MAP4K1: variants seen among roughly 807,000 people sequenced by gnomAD.
MAP4K1 encodes MAPK/ERK kinase kinase kinase 1.
In MAP4K1, 35 loss-of-function variants were observed where a neutral mutation model predicts 122.8. The observed-to-expected ratio is 0.29, with a 90% confidence interval of 0.22 to 0.38. MAP4K1 has a LOEUF of 0.38. Among genes scored for constraint, MAP4K1 ranks in the 10% least tolerant of loss-of-function variants. The probability of loss-of-function intolerance (pLI) is 1.00; values close to 1 mark genes in which losing one functional copy is unlikely to be tolerated. For missense variants in MAP4K1, 791 were observed against 1,072.6 expected, an observed-to-expected ratio of 0.74 and a Z score of 3.67; for synonymous variants, 412 against 421.3, an observed-to-expected ratio of 0.98 and a Z score of 0.27.
In MAP4K1 at chr19:38,597,314, GCTCT is replaced by G. The variant is rs372573619; in HGVS notation, c.1837+8_1837+11del. 7 of 1,613,904 alleles carry G rather than the reference GCTCT, an allele frequency of 4.3e-6. No individual in the cohort carries two copies. Among genetic ancestry groups the G allele is most frequent in the East Asian group, 2.2e-5 (1 of 44,882 alleles). On this transcript the variant is annotated splice_region_variant and intron_variant, in intron 24 of 30. Coordinates refer to ENST00000396857, the MANE Select transcript of MAP4K1 (RefSeq NM_001042600.3). The surrounding 1 kb of genome is among the most constrained non-coding windows in gnomAD (Gnocchi z 4.6). Reference sequence around the variant, plus strand: ...CGCCCACTCTCTGCACACCCGTGAAGCTCTCTCTCACCCACACAGCACGCCCGGC... The same window carrying G: ...CGCCCACTCTCTGCACACCCGTGAAGCTCTCACCCACACAGCACGCCCGGC...
intron 17 of MAP4K1, 114 bp from the exon 18 acceptor site, chr19:38,605,844 AC>A (rs1468622925): frequency 3.8e-5 from 36 of 943,496 alleles, no homozygotes; most frequent in South Asian, 5.1e-5. Flanking sequence ...GCTCTGACCC[AC>A]CCCCCCGACA....
chr19:38,598,938 G>A (rs956534505), intron 22 of MAP4K1, among the ~76,000 whole-genome samples: 2 of 149,992 alleles, frequency 1.3e-5, no homozygotes, highest in African/African-American at 4.9e-5. Context: ...GCTTGAACCT[G>A]GGAAACGGAG....
At chr19:38,593,043 T>G (rs1464958071) in intron 30 of MAP4K1, among the ~76,000 whole-genome samples, 1 of 152,106 alleles carries the variant, frequency 6.6e-6, no homozygotes, top group African/African-American at 2.4e-5. Flanking sequence ...AAGGCTGCAG[T>G]GAGCCGTGGT....
At chr19:38,601,583 A>T in intron 19 of MAP4K1, 58 bp from the exon 20 acceptor site, 1 of 1,339,786 alleles carries the variant, frequency 7.5e-7, no homozygotes, top group Non-Finnish European at 1.0e-6. Context: ...AGGGAACAGG[A>T]AGGGGCAGTG....
Position 38,608,052 on chromosome 19 carries a change from G to C in MAP4K1, c.1066-19C>G. 1.9e-6 allele frequency: 3 copies of C among 1,586,280 alleles called. No individual in the cohort carries two copies. The highest frequency in any genetic ancestry group is 2.6e-6 in the Non-Finnish European group (3 of 1,164,586). On this transcript the variant is annotated intron_variant, in intron 14 of 30. Coordinates refer to ENST00000396857, the MANE Select transcript of MAP4K1 (RefSeq NM_001042600.3). Reference sequence around the variant, plus strand: ...GGCGAGCCTGTGGGGTAGGAAAAGGGTCAGCAGTGGCCTCAGGGAAGCAGG... The same window carrying C: ...GGCGAGCCTGTGGGGTAGGAAAAGGCTCAGCAGTGGCCTCAGGGAAGCAGG...
intron 30 of MAP4K1, among the ~76,000 whole-genome samples, chr19:38,590,998 CACAT>C (rs977805145): frequency 1.3e-5 from 2 of 148,926 alleles, no homozygotes; most frequent in African/African-American, 5.0e-5. Flanking sequence ...CACACACACA[CACAT>C]ATACTTGTAT....
chr19:38,593,199 A>AG, intron 30 of MAP4K1, 83 bp downstream of exon 30: 1 of 1,340,366 alleles, frequency 7.5e-7, no homozygotes, highest in East Asian at 2.5e-5. Flanking sequence ...GGCTAGAGAT[A>AG]CCTTGCTGGG....
chr19:38,596,603 C>T (rs1167539153), intron 25 of MAP4K1, 117 bp from the exon 26 acceptor site: 2 of 891,506 alleles, frequency 2.2e-6, no homozygotes, highest in East Asian at 5.4e-5. Flanking sequence ...TGGGGGATGC[C>T]GTCTAGAAAT....
At chr19:38,613,640 T>C (rs954725299) in intron 8 of MAP4K1, among the ~76,000 whole-genome samples, 7 of 146,738 alleles carry the variant, frequency 4.8e-5, no homozygotes, top group African/African-American at 1.8e-4. Flanking sequence ...GAAATGGATA[T>C]GGAGGGACAG....
In MAP4K1 at chr19:38,596,393, G is replaced by A. The variant is rs1974885093; in HGVS notation, c.2035C>T (p.Pro679Ser). 6.3e-7 allele frequency: 1 copy of A among 1,596,598 alleles called. No individual in the cohort carries two copies. ...ELPAVCIGVS[P>S]GRPGKSVLFH... ...AGCACCGACTTCCCCGGCCGCCCGG[G>A]GCTCACGCCGATGCACACAGCGGGC... Residue 679 changes from proline to serine, a missense_variant, in exon 26 of 31, where the codon CCC becomes TCC. Around this residue, in one of 4 missense-constraint regions of MAP4K1, gnomAD observed 267 missense variants for 323.0 expected, o/e 0.83. Coordinates refer to ENST00000396857, the MANE Select transcript of MAP4K1 (RefSeq NM_001042600.3).
At chr19:38,602,337 A>C (rs1014128033) in intron 19 of MAP4K1, among the ~76,000 whole-genome samples, 2 of 151,918 alleles carry the variant, frequency 1.3e-5, no homozygotes, top group African/African-American at 4.8e-5. Context: ...GGTCTCCCAA[A>C]GTGCTGGGAT....
intron 20 of MAP4K1, among the ~76,000 whole-genome samples, chr19:38,600,965 C>G (rs1353624073): frequency 6.6e-6 from 1 of 152,066 alleles, no homozygotes; most frequent in Non-Finnish European, 1.5e-5. Flanking sequence ...GCTACCACGC[C>G]TGGCTAATTT....
rs1252441100 is a variant in MAP4K1, at chr19:38,617,262, A to G, written c.248+92T>C. On this transcript the variant is annotated intron_variant, in intron 3 of 30. Transcript: ENST00000396857. This position sits in a 1 kb window ranked among gnomAD's most constrained non-coding sequence, Gnocchi z 4.1. ...CCATCTCAAAAAAGAAAAAGAAAAG[A>G]AAAAAAAAGAACTGAGGGTACCCCC... 3 of 843,554 alleles carry G rather than the reference A, an allele frequency of 3.6e-6. No individual in the cohort carries two copies. The highest frequency in any genetic ancestry group is 2.4e-5 in the East Asian group (1 of 40,854). The allele number at this position is 843,554 out of a possible 1,614,324, so 52.3% of individuals were successfully genotyped here.
intron 19 of MAP4K1, 44 bp from the exon 20 acceptor site, chr19:38,601,569 G>C (rs371529081): frequency 6.8e-7 from 1 of 1,480,144 alleles, no homozygotes; most frequent in Non-Finnish European, 9.3e-7. Context: ...CCGGCAAAGA[G>C]AGCAGGGAAC....
At chr19:38,602,494 A>ATACACGTG (rs1458307367) in intron 19 of MAP4K1, among the ~76,000 whole-genome samples, 2 of 150,590 alleles carry the variant, frequency 1.3e-5, no homozygotes, top group African/African-American at 4.9e-5. Flanking sequence ...ATATACATAT[A>ATACACGTG]TACATATATA....
rs755516637 is a variant in MAP4K1 at position 38,597,106 on chromosome 19, C to T, written c.1869G>A (p.Leu623=). The change falls in exon 25 of 31, where the codon CTG becomes CTA. Residue 623 remains leucine, a synonymous_variant. Coordinates refer to ENST00000396857, the MANE Select transcript of MAP4K1 (RefSeq NM_001042600.3). This position sits in a 1 kb window ranked among gnomAD's most constrained non-coding sequence, Gnocchi z 4.6. ...AEGASSGGPF[L]CGALETSVVL... ...CAACGGACGTCTCCAATGCACCGCACAGGAACGGGCCCCCAGAGCTCGCAC... is the reference window on the plus strand; with the variant it reads ...CAACGGACGTCTCCAATGCACCGCATAGGAACGGGCCCCCAGAGCTCGCAC... 8 of 1,614,100 alleles carry T rather than the reference C, an allele frequency of 5.0e-6. No homozygotes were observed. In the Admixed American group the frequency reaches 5.0e-5, roughly 10 times the overall value.
chr19:38,600,924 G>T (rs2144712592), intron 20 of MAP4K1, among the ~76,000 whole-genome samples: 1 of 150,742 alleles, frequency 6.6e-6, no homozygotes, highest in East Asian at 2.0e-4. Flanking sequence ...TCCTGCCTCA[G>T]CCTCCTGAGT....
intron 29 of MAP4K1, among the ~76,000 whole-genome samples, chr19:38,594,326 A>AAG (rs370608954): frequency 3.9e-5 from 6 of 152,188 alleles, no homozygotes; most frequent in Non-Finnish European, 7.4e-5. Flanking sequence ...CAGCCTGGAC[A>AAG]AGAGAGAGAG....
At chr19:38,601,416 C>T (rs770201785) in intron 20 of MAP4K1, 25 bp downstream of exon 20, 1 of 1,587,238 alleles carries the variant, frequency 6.3e-7, no homozygotes, top group Non-Finnish European at 8.6e-7. Flanking sequence ...CCTACAGGAT[C>T]TCCTTGACCC....
Sources: gnomAD v4.1 joint callset for allele counts (sites outside exome capture counted in the v4.1 genomes callset) on GRCh38, gnomAD v4.1.1 for gene constraint, gnomAD v4.1.1 regional missense constraint, Gnocchi (gnomAD v3.1) non-coding constraint, MANE v1.5 for transcripts, NCBI Gene and HGNC (gene_info 2026-07-23, HGNC 2026-07-21) for gene names.